LRRC37A2: variants seen among roughly 807,000 people sequenced by gnomAD.
The protein encoded by LRRC37A2 is leucine-rich repeat-containing protein 37A2.
In LRRC37A2, 9 loss-of-function variants were observed where a neutral mutation model predicts 68.8. The observed-to-expected ratio is 0.13, with a 90% CI of 0.08 to 0.23. LRRC37A2 has a LOEUF of 0.23. LRRC37A2 is among the 10% of genes least tolerant of loss of function. The pLI, the probability that LRRC37A2 is intolerant of heterozygous loss-of-function variation, is 1.00. For missense variants in LRRC37A2, 168 were observed against 950.4 expected (o/e 0.18, Z 10.82); for synonymous variants, 63 against 367.6 (o/e 0.17, Z 9.48).
chr17:46,925,702 G>A, the LRRC37A2 span, among the ~76,000 whole-genome samples: 1 of 152,178 alleles, frequency 6.6e-6, no homozygotes, highest in South Asian at 2.1e-4. Context: ...TGACACAACA[G>A]TAGCTGAACT....
At chr17:46,795,203 C>T in the LRRC37A2 span, among the ~76,000 whole-genome samples, 4 of 152,220 alleles carry the variant, frequency 2.6e-5, no homozygotes, top group East Asian at 7.7e-4. Context: ...CTTGTCTGCT[C>T]CCCCATAAAC....
the LRRC37A2 span, among the ~76,000 whole-genome samples, chr17:46,741,979 C>T: frequency 6.6e-6 from 1 of 152,194 alleles, no homozygotes; most frequent in Non-Finnish European, 1.5e-5. Context: ...TAGTCTCCAA[C>T]TCCTGACCTC....
At chr17:46,530,242 A>G (rs2053481973) in intron 6 of LRRC37A2, among the ~76,000 whole-genome samples, 1 of 122,100 alleles carries the variant, frequency 8.2e-6, no homozygotes, top group Admixed American at 9.5e-5. Flanking sequence ...AAGATATAGA[A>G]TGAAGGGGTA....
At chr17:46,854,635 AAC>A in the LRRC37A2 span, among the ~76,000 whole-genome samples, 4 of 152,296 alleles carry the variant, frequency 2.6e-5, no homozygotes, top group East Asian at 1.9e-4. Flanking sequence ...GATAAAAAAA[AAC>A]ATAACTAGTA....
the LRRC37A2 span, among the ~76,000 whole-genome samples, chr17:46,761,208 A>C: frequency 6.6e-6 from 1 of 152,220 alleles, no homozygotes; most frequent in African/African-American, 2.4e-5. Context: ...CATCATGGAC[A>C]AAACAGAGTG....
chr17:46,945,123 A>G, the LRRC37A2 span, among the ~76,000 whole-genome samples: 1 of 152,142 alleles, frequency 6.6e-6, no homozygotes, highest in South Asian at 2.1e-4. Context: ...GGGTGTGTGA[A>G]GGACAGGAGA....
chr17:46,936,145 G>T, the LRRC37A2 span: 1 of 985,810 alleles, frequency 1.0e-6, no homozygotes, highest in Non-Finnish European at 1.2e-6. Flanking sequence ...GTGGTCTCCA[G>T]CAGCCTGCTG....
chr17:46,496,974 A>G, the LRRC37A2 span, among the ~76,000 whole-genome samples: 1 of 143,076 alleles, frequency 7.0e-6, no homozygotes, highest in Non-Finnish European at 1.5e-5. Flanking sequence ...TATTAGTAGT[A>G]TAATACTGTT....
the LRRC37A2 span, among the ~76,000 whole-genome samples, chr17:47,003,892 C>A: frequency 1.3e-5 from 2 of 152,118 alleles, no homozygotes; most frequent in African/African-American, 2.4e-5. Context: ...CACAACAGGC[C>A]CCGGTGTGTG....
chr17:46,935,956 A>C, the LRRC37A2 span: 1 of 985,880 alleles, frequency 1.0e-6, no homozygotes, highest in African/African-American at 1.7e-5. Context: ...AGAAACAGTC[A>C]CTCGGAAGTG....
chr17:46,838,628 A>C, the LRRC37A2 span, among the ~76,000 whole-genome samples: 1 of 152,112 alleles, frequency 6.6e-6, no homozygotes, highest in Non-Finnish European at 1.5e-5. Flanking sequence ...CCCTGTCTCA[A>C]AATAAATTAA....
At chr17:46,951,100 G>C in the LRRC37A2 span, among the ~76,000 whole-genome samples, 3 of 152,184 alleles carry the variant, frequency 2.0e-5, no homozygotes, top group East Asian at 1.9e-4. Context: ...CACGCCAAAG[G>C]CTTCTCCAGC....
the LRRC37A2 span, chr17:46,940,661 T>C: frequency 5.0e-6 from 8 of 1,613,350 alleles, no homozygotes; most frequent in South Asian, 1.1e-5. Flanking sequence ...GCACCCATCA[T>C]GCGTGGACTG....
chr17:46,838,597 A>T, the LRRC37A2 span, among the ~76,000 whole-genome samples: 1 of 152,172 alleles, frequency 6.6e-6, no homozygotes, highest in African/African-American at 2.4e-5. Flanking sequence ...ACTGCACTCC[A>T]GCCTGGGCGA....
At chr17:46,905,758 T>C in the LRRC37A2 span, among the ~76,000 whole-genome samples, 24 of 151,202 alleles carry the variant, frequency 1.6e-4, no homozygotes, top group African/African-American at 5.9e-4. Context: ...AATCAGTTGC[T>C]TTACCCCTGT....
chr17:46,939,748 C>T, the LRRC37A2 span: 1 of 987,272 alleles, frequency 1.0e-6, no homozygotes, highest in Non-Finnish European at 1.2e-6. Context: ...GTCCTTGTAA[C>T]ACTCTGTTTT....
At chr17:47,004,879 A>G in the LRRC37A2 span, among the ~76,000 whole-genome samples, 1 of 152,238 alleles carries the variant, frequency 6.6e-6, no homozygotes. Context: ...CTACTGTAAG[A>G]CAATCAGTCA....
the LRRC37A2 span, among the ~76,000 whole-genome samples, chr17:46,767,774 T>G: frequency 2.0e-5 from 3 of 149,622 alleles, no homozygotes; most frequent in East Asian, 2.0e-4. Flanking sequence ...CTGAATTTTG[T>G]TTTTTTTTGT....
At chr17:46,883,985 C>T in the LRRC37A2 span, among the ~76,000 whole-genome samples, 2 of 152,290 alleles carry the variant, frequency 1.3e-5, no homozygotes, top group East Asian at 3.9e-4. Flanking sequence ...GGAGCTGAGC[C>T]CCTACCCCTG....
Sources: allele counts gnomAD v4.1 joint callset (sites outside exome capture counted in the v4.1 genomes callset), GRCh38; gene constraint gnomAD v4.1.1; transcripts MANE v1.5; gene names NCBI Gene and HGNC (gene_info 2026-07-23, HGNC 2026-07-21).